TCF12: variants seen among roughly 807,000 people sequenced by gnomAD.
TCF12 encodes transcription factor 12.
Under a neutral mutation model 86.0 loss-of-function variants are expected in TCF12, and 45 were observed. The ratio of observed to expected loss-of-function variants is 0.52; its 90% CI spans 0.41 to 0.67. The LOEUF is 0.67. Ranked by LOEUF, TCF12 falls within the 30% of genes least tolerant of loss-of-function variation. The pLI, the probability that TCF12 is intolerant of heterozygous loss-of-function variation, is 0.00. For missense variants in TCF12, 881 were observed against 859.9 expected (o/e 1.02, Z -0.31); for synonymous variants, 330 against 299.6 (o/e 1.10, Z -1.05).
At chr15:57,274,219 A>C (rs1209938318) in intron 19 of TCF12, among the ~76,000 whole-genome samples, 1 of 67,926 alleles carries the variant, frequency 1.5e-5, no homozygotes, top group Non-Finnish European at 3.4e-5. Flanking sequence ...ACAGCCATGG[A>C]GCCTCAGCAT....
At chr15:57,169,611 T>C (rs1025928622) in intron 6 of TCF12, among the ~76,000 whole-genome samples, 2 of 152,230 alleles carry the variant, frequency 1.3e-5, no homozygotes, top group African/African-American at 2.4e-5. Context: ...AAAGATATTT[T>C]GGATCTTTAA....
intron 3 of TCF12, among the ~76,000 whole-genome samples, chr15:56,995,158 A>G (rs2063641447): frequency 6.7e-6 from 1 of 150,122 alleles, no homozygotes; most frequent in Middle Eastern, 3.5e-3. Context: ...AAATTAAAAA[A>G]TATTCAAATA....
upstream of TCF12, chr15:56,918,497 T>A: frequency 3.2e-6 from 1 of 316,732 alleles, no homozygotes; most frequent in South Asian, 2.2e-5. Context: ...GACCGCGGGC[T>A]TTGTCCACCC....
intron 16 of TCF12, among the ~76,000 whole-genome samples, chr15:57,259,756 C>T (rs1437652930): frequency 3.3e-5 from 5 of 152,210 alleles, no homozygotes; most frequent in African/African-American, 9.6e-5. Flanking sequence ...ACAATTAAAC[C>T]GAGTCCTATC....
chr15:57,112,918 C>T (rs1360844750), intron 5 of TCF12, among the ~76,000 whole-genome samples: 1 of 152,054 alleles, frequency 6.6e-6, no homozygotes, highest in Non-Finnish European at 1.5e-5. Flanking sequence ...AAAATAAAAT[C>T]CAAACTCATT....
chr15:57,065,390 T>C (rs2068787040), intron 4 of TCF12, among the ~76,000 whole-genome samples: 1 of 152,258 alleles, frequency 6.6e-6, no homozygotes, highest in African/African-American at 2.4e-5. Context: ...TTCCTTCCAC[T>C]CTTAAACGTT....
intron 20 of TCF12, among the ~76,000 whole-genome samples, chr15:57,284,603 G>T (rs1177080022): frequency 4.6e-5 from 7 of 152,250 alleles, no homozygotes; most frequent in Admixed American, 4.6e-4. Context: ...TCAAAGAAGA[G>T]TGATGGGAGA....
At chr15:57,146,654 C>G (rs1206740164) in intron 5 of TCF12, among the ~76,000 whole-genome samples, 1 of 152,152 alleles carries the variant, frequency 6.6e-6, no homozygotes, top group African/African-American at 2.4e-5. Flanking sequence ...GAATGTCTTT[C>G]GTTTCCAAAA....
At chr15:57,224,869 C>T (rs2058793179) in intron 8 of TCF12, among the ~76,000 whole-genome samples, 1 of 152,078 alleles carries the variant, frequency 6.6e-6, no homozygotes, top group African/African-American at 2.4e-5. Context: ...CCTGTGGTTT[C>T]AGTTCTTGTG....
At chr15:57,138,469 C>T (rs868625731) in intron 5 of TCF12, among the ~76,000 whole-genome samples, 1 of 152,136 alleles carries the variant, frequency 6.6e-6, no homozygotes, top group Non-Finnish European at 1.5e-5. Flanking sequence ...TCTGCTGCCT[C>T]CAGTGGAAAT....
At chr15:57,083,967 T>C (rs1022344360) in intron 4 of TCF12, among the ~76,000 whole-genome samples, 6 of 152,170 alleles carry the variant, frequency 3.9e-5, no homozygotes, top group Non-Finnish European at 7.3e-5. Flanking sequence ...AAACATTTAA[T>C]ATATGGGACT....
intron 3 of TCF12, among the ~76,000 whole-genome samples, chr15:56,969,775 T>G (rs1461150058): frequency 6.6e-6 from 1 of 152,018 alleles, no homozygotes; most frequent in African/African-American, 2.4e-5. Flanking sequence ...AGTTATCAAT[T>G]TGGGAGTCAT....
rs567048755 is a variant in TCF12, at chr15:57,078,160, C to T, written c.223-13629C>T. ...CATTTTGCTTTAGGGTATTCTTTAG[C>T]AAATCTTAATGCGACTTCTGCCTGC... On this transcript the variant is annotated intron_variant, in intron 4 of 20. Transcript: ENST00000333725. Among the ~76,000 whole-genome samples the T allele has an allele frequency of 1.4e-4, 21 of 152,198 alleles. No homozygotes were observed. In the South Asian group the frequency reaches 1.9e-3, roughly 14 times the overall value.
At chr15:57,174,145 T>G (rs941544502) in intron 6 of TCF12, among the ~76,000 whole-genome samples, 13 of 152,334 alleles carry the variant, frequency 8.5e-5, no homozygotes, top group Middle Eastern at 3.4e-3. Context: ...ACAAGTTAGT[T>G]TAGAAAACAG....
At chr15:57,007,848 CCCTCCCTTCCTTCCTT>C (rs1243176339) in intron 3 of TCF12, among the ~76,000 whole-genome samples, 3 of 74,548 alleles carry the variant, frequency 4.0e-5, no homozygotes, top group Non-Finnish European at 5.3e-5. Context: ...TTCTCTCTTT[CCCTCCCTTCCTTCCTT>C]CCTTCCTTCC....
At chr15:56,922,931 T>C (rs1193535487) in intron 3 of TCF12, among the ~76,000 whole-genome samples, 1 of 151,948 alleles carries the variant, frequency 6.6e-6, no homozygotes, top group Non-Finnish European at 1.5e-5. Context: ...TATATTTATA[T>C]ACCTTATTGA....
Position 57,228,557 on chromosome 15 carries a change from C to T in TCF12, c.580-2595C>T, listed in dbSNP as rs944295791. On this transcript the variant is annotated intron_variant, in intron 8 of 20. Coordinates refer to ENST00000333725, the MANE Select transcript of TCF12 (RefSeq NM_207037.2). Reference sequence around the variant, plus strand: ...TCTCCATACAACTTCAAAATTTTTGCGTAAGGGAAGGCAAGTCTCTTTCTG... The same window carrying T: ...TCTCCATACAACTTCAAAATTTTTGTGTAAGGGAAGGCAAGTCTCTTTCTG... 8.6e-5 allele frequency among the ~76,000 whole-genome samples: 13 copies of T among 151,916 alleles called. 1 individual carries two copies. The highest frequency in any genetic ancestry group is 3.1e-4 in the African/African-American group (13 of 41,390).
intron 8 of TCF12, among the ~76,000 whole-genome samples, chr15:57,200,985 T>G (rs568010077): frequency 3.3e-5 from 5 of 152,306 alleles, no homozygotes; most frequent in African/African-American, 1.2e-4. Flanking sequence ...TCGAAGTTCC[T>G]TTCAGGTCTA....
intron 5 of TCF12, among the ~76,000 whole-genome samples, chr15:57,147,576 C>A (rs1281770445): frequency 1.3e-5 from 2 of 151,618 alleles, no homozygotes; most frequent in Non-Finnish European, 1.5e-5. Context: ...GGAAAAAAAA[C>A]AGAAAGTATA....
Sources: allele counts gnomAD v4.1 joint callset (sites outside exome capture counted in the v4.1 genomes callset), GRCh38; gene constraint gnomAD v4.1.1; transcripts MANE v1.5; gene names NCBI Gene and HGNC (gene_info 2026-07-23, HGNC 2026-07-21).